Variants in ETNK1 observed in about 807,000 individuals in gnomAD.
ETNK1 encodes putative protein product of Nbla10396.
In ETNK1, 8 loss-of-function variants were observed where a neutral mutation model predicts 45.1. The observed-to-expected ratio is 0.18, with a 90% CI of 0.10 to 0.32. The LOEUF (loss-of-function observed/expected upper bound fraction) is 0.32, where lower values mean the gene tolerates loss of function less well. Among genes scored for constraint, ETNK1 ranks in the 10% least tolerant of loss-of-function variants. ETNK1 has a pLI of 1.00. For missense variants in ETNK1, 302 were observed against 430.6 expected (o/e 0.70, Z 2.64); for synonymous variants, 152 against 151.9 (o/e 1.00, Z -0.01).
intron 2 of ETNK1, among the ~76,000 whole-genome samples, chr12:22,649,227 C>T (rs1195874913): frequency 6.6e-6 from 1 of 151,842 alleles, no homozygotes; most frequent in Admixed American, 6.6e-5. Flanking sequence ...TAATGAAGTC[C>T]AGCTTATCTG....
intron 3 of ETNK1, among the ~76,000 whole-genome samples, chr12:22,660,770 CT>C (rs1953991778): frequency 6.6e-6 from 1 of 151,982 alleles, no homozygotes. Flanking sequence ...TAGAATAGTA[CT>C]TAGTAATTGT....
intron 1 of ETNK1, among the ~76,000 whole-genome samples, chr12:22,638,225 T>C (rs542277683): frequency 1.3e-5 from 2 of 151,208 alleles, no homozygotes; most frequent in African/African-American, 4.8e-5. Flanking sequence ...TTAACTTTTT[T>C]CCCCCTTTTT....
At chr12:22,640,123 A>G (rs1259478841) in intron 1 of ETNK1, among the ~76,000 whole-genome samples, 1 of 152,198 alleles carries the variant, frequency 6.6e-6, no homozygotes, top group Non-Finnish European at 1.5e-5. Context: ...TTGTATTTTT[A>G]ACCAATATAG....
At chr12:22,644,060 A>AT (rs11429701) in intron 2 of ETNK1, 38 bp downstream of exon 2, 1,534,965 of 1,552,188 alleles carry the variant, frequency 0.99, 759,386 homozygotes, top group South Asian at 0.99. Context: ...TTTGAAAAAT[A>AT]GGGCATTTAA....
intron 2 of ETNK1, among the ~76,000 whole-genome samples, chr12:22,647,289 T>G (rs1953819057): frequency 6.6e-6 from 1 of 151,812 alleles, no homozygotes; most frequent in African/African-American, 2.4e-5. Context: ...ATGGAAGAAA[T>G]GCAGTTTCAA....
At chr12:22,674,829 G>A (rs1300289909) in intron 6 of ETNK1, among the ~76,000 whole-genome samples, 1 of 152,172 alleles carries the variant, frequency 6.6e-6, no homozygotes, top group Admixed American at 6.5e-5. Flanking sequence ...TACTGTGACT[G>A]TATCTGTACA....
intron 2 of ETNK1, among the ~76,000 whole-genome samples, chr12:22,655,055 C>T (rs1565442771): frequency 6.6e-6 from 1 of 152,174 alleles, no homozygotes; most frequent in Non-Finnish European, 1.5e-5. Context: ...CTGAACCTCC[C>T]CCTTGGGTTC....
Position 22,684,974 on chromosome 12 carries a change from T to C in ETNK1, c.*20T>C. 6.5e-7 allele frequency: 1 copy of C among 1,537,248 alleles called. No individual in the cohort carries two copies. The highest frequency in any genetic ancestry group is 8.9e-7 in the Non-Finnish European group (1 of 1,129,524). ...GAGTAAAGAAGAGATTTAATTATTC[T>C]CCAGTAGCTGAGCAATGCTTGTGAA... is the stretch of plus-strand genomic sequence containing the variant. On this transcript the variant is annotated 3_prime_UTR_variant, in exon 8 of 8. Coordinates refer to ENST00000266517, the MANE Select transcript of ETNK1 (RefSeq NM_018638.5).
At chr12:22,652,088 T>C (rs1350703195) in intron 2 of ETNK1, among the ~76,000 whole-genome samples, 2 of 152,152 alleles carry the variant, frequency 1.3e-5, no homozygotes, top group African/African-American at 2.4e-5. Context: ...AGGTACATCA[T>C]GTTAGTGGAA....
At chr12:22,661,757 AAAGT>A (rs1435442611) in intron 4 of ETNK1, among the ~76,000 whole-genome samples, 1 of 152,244 alleles carries the variant, frequency 6.6e-6, no homozygotes, top group Non-Finnish European at 1.5e-5. Context: ...TATATCTACT[AAAGT>A]AATCAAGAAA....
At chr12:22,636,286 A>G (rs1174523164) in intron 1 of ETNK1, among the ~76,000 whole-genome samples, 1 of 152,224 alleles carries the variant, frequency 6.6e-6, no homozygotes, top group Admixed American at 6.5e-5. Context: ...CTCTGCTAAA[A>G]AAAAATGAGG....
chr12:22,684,605 G>T (rs1164233088), intron 7 of ETNK1, 49 bp downstream of exon 7: 1 of 1,231,930 alleles, frequency 8.1e-7, no homozygotes, highest in Non-Finnish European at 1.2e-6. Context: ...CTTTTGTTTG[G>T]ATTAACATTA....
At position 22,687,119 on chromosome 12, in the gene ETNK1, A is replaced by G. The variant is rs978734088; in HGVS notation, c.*2165A>G. ...AGGCTCTCACTTTAGCTCTGGGACT[A>G]TGCAGTGGATCTTGGGAACAAAATA... is the stretch of plus-strand genomic sequence containing the variant. On this transcript the variant is annotated 3_prime_UTR_variant, in exon 8 of 8. Coordinates refer to ENST00000266517, the MANE Select transcript of ETNK1 (RefSeq NM_018638.5). 2 of 151,746 alleles carry G rather than the reference A, an allele frequency of 1.3e-5. No individual in the cohort carries two copies. Among genetic ancestry groups the G allele is most frequent in the Admixed American group, 6.6e-5 (1 of 15,222 alleles). The allele number at this position is 151,746 out of a possible 1,614,324, so 9.4% of individuals were successfully genotyped here.
At chr12:22,666,053 A>G (rs942324787) in intron 4 of ETNK1, among the ~76,000 whole-genome samples, 2 of 152,168 alleles carry the variant, frequency 1.3e-5, no homozygotes, top group East Asian at 3.8e-4. Flanking sequence ...TTTACATGCG[A>G]ATGTTATTGG....
chr12:22,631,078 A>G (rs1565861187), intron 1 of ETNK1, among the ~76,000 whole-genome samples: 1 of 152,160 alleles, frequency 6.6e-6, no homozygotes, highest in Non-Finnish European at 1.5e-5. Flanking sequence ...CCAAATCAAT[A>G]TAGTGTCTTG....
Position 22,643,926 on chromosome 12 carries a change from C to A in ETNK1, c.320C>A (p.Pro107Gln). The change falls in exon 2 of 8, where the codon CCA becomes CAA. Residue 107 changes from proline to glutamine, a missense_variant. Around this residue, in one of 3 missense-constraint regions of ETNK1, gnomAD observed 205 missense variants for 259.9 expected, o/e 0.79. Coordinates refer to ENST00000266517, the MANE Select transcript of ETNK1 (RefSeq NM_018638.5). The part of the protein sequence containing the change: ...FRVLQAHGCA[P>Q]QLYCTFNNGL... Reference sequence around the variant, plus strand: ...GTGTTGCAGGCTCATGGGTGTGCACCACAACTCTACTGTACCTTCAATAAT... The same window carrying A: ...GTGTTGCAGGCTCATGGGTGTGCACAACAACTCTACTGTACCTTCAATAAT... The A allele has an allele frequency of 6.2e-7, 1 of 1,613,338 alleles. No individual in the cohort carries two copies. Among genetic ancestry groups the A allele is most frequent in the Non-Finnish European group, 8.5e-7 (1 of 1,179,512 alleles).
intron 2 of ETNK1, among the ~76,000 whole-genome samples, chr12:22,646,116 A>C (rs1414167603): frequency 6.6e-6 from 1 of 151,896 alleles, no homozygotes; most frequent in Non-Finnish European, 1.5e-5. Flanking sequence ...AGTTGGCATT[A>C]TGAATAGTAA....
chr12:22,647,588 A>G (rs1283276040), intron 2 of ETNK1, among the ~76,000 whole-genome samples: 1 of 151,954 alleles, frequency 6.6e-6, no homozygotes, highest in East Asian at 1.9e-4. Flanking sequence ...ATGCAGGGCA[A>G]CAGGAAAAAA....
chr12:22,678,378 C>T (rs1954180875), intron 6 of ETNK1, among the ~76,000 whole-genome samples: 1 of 152,186 alleles, frequency 6.6e-6, no homozygotes, highest in Admixed American at 6.5e-5. Flanking sequence ...CCTTATCTTA[C>T]TTGATCTGTC....
Sources: gnomAD v4.1 joint callset for allele counts (sites outside exome capture counted in the v4.1 genomes callset) on GRCh38, gnomAD v4.1.1 for gene constraint, gnomAD v4.1.1 regional missense constraint, MANE v1.5 for transcripts, NCBI Gene and HGNC (gene_info 2026-07-23, HGNC 2026-07-21) for gene names.